The following BCL7A variants were observed in gnomAD, a reference collection of about 807,000 sequenced individuals.
BCL7A encodes the protein B-cell CLL/lymphoma 7 protein family member A.
In BCL7A, 11 loss-of-function variants were observed where a neutral mutation model predicts 28.4. The observed-to-expected ratio is 0.39, with a 90% CI of 0.24 to 0.64. The LOEUF is 0.64. Among genes scored for constraint, BCL7A ranks in the 30% least tolerant of loss-of-function variants. BCL7A has a pLI of 0.50. For synonymous variants in BCL7A, 123 were observed against 103.3 expected, an observed-to-expected ratio of 1.19 and a Z score of -1.15; for missense variants, 222 against 274.8, an observed-to-expected ratio of 0.81 and a Z score of 1.36.
intron 4 of BCL7A, among the ~76,000 whole-genome samples, chr12:122,054,549 C>T (rs1281947881): frequency 6.6e-6 from 1 of 152,176 alleles, no homozygotes; most frequent in Non-Finnish European, 1.5e-5. Context: ...CCAGTCGCCT[C>T]CCAGGGCCCT....
In BCL7A at chr12:122,060,347, G is replaced by A. The variant is rs1951910701; in HGVS notation, c.*1184G>A. On this transcript the variant is annotated 3_prime_UTR_variant, in exon 6 of 6. Coordinates refer to ENST00000261822, the MANE Select transcript of BCL7A (RefSeq NM_001024808.3). The stretch of plus-strand genomic sequence containing the variant: ...ATGCCGTCTGTCCCCACCGGGGAGT[G>A]GGCCTTGATGGCCGGGCCTCGAAGG... The A allele has an allele frequency of 4.3e-6, 1 of 232,960 alleles. No individual in the cohort carries two copies. 14.4% of individuals were successfully genotyped at this position (232,960 alleles called of 1,614,324 possible). A position where few individuals can be genotyped will look rare whatever the true frequency, so the allele number is the denominator to read the frequency against.
Position 122,021,951 on chromosome 12 carries a change from T to TGTGTGTGA in BCL7A, c.-133_-126dup. 1 of 588,908 alleles carries TGTGTGTGA rather than the reference T, an allele frequency of 1.7e-6. No homozygotes were observed. The highest frequency in any genetic ancestry group is 3.2e-5 in the East Asian group (1 of 31,722). The allele number at this position is 588,908 out of a possible 1,614,324, so 36.5% of individuals were successfully genotyped here. A position where few individuals can be genotyped will look rare whatever the true frequency, so the allele number is the denominator to read the frequency against. The stretch of plus-strand genomic sequence containing the variant: ...GTGTATGTGTGTGTGTGTGTGTGTG[T>TGTGTGTGA]GTGTGTGAGTGTGTGCGTGTGAGAG... On this transcript the variant is annotated 5_prime_UTR_variant, in exon 1 of 6. Coordinates refer to ENST00000261822, the MANE Select transcript of BCL7A (RefSeq NM_001024808.3).
chr12:122,042,807 C>T (rs927228216), intron 3 of BCL7A, among the ~76,000 whole-genome samples: 1 of 152,152 alleles, frequency 6.6e-6, no homozygotes, highest in Non-Finnish European at 1.5e-5. Flanking sequence ...TTTCTACATA[C>T]CCACTGTCCC....
chr12:122,024,159 A>C, intron 1 of BCL7A, among the ~76,000 whole-genome samples: 1 of 152,172 alleles, frequency 6.6e-6, no homozygotes, highest in African/African-American at 2.4e-5. Context: ...GAGGGGCTGT[A>C]CCTCTGCGCC....
chr12:122,043,343 G>T (rs1883997939), intron 3 of BCL7A, among the ~76,000 whole-genome samples: 1 of 149,342 alleles, frequency 6.7e-6, no homozygotes, highest in Middle Eastern at 3.4e-3. Context: ...TGTGGGGAAG[G>T]TCAGGCCAGT....
intron 5 of BCL7A, among the ~76,000 whole-genome samples, chr12:122,057,383 T>G (rs777172640): frequency 9.9e-5 from 15 of 152,142 alleles, no homozygotes; most frequent in Non-Finnish European, 2.2e-4. Flanking sequence ...TTGGTCCTGG[T>G]GAGGAACTGG....
rs1883472396 is a variant in BCL7A at position 122,022,069 on chromosome 12, G to C, written c.-23G>C. The C allele has an allele frequency of 6.5e-7, 1 of 1,536,996 alleles. No individual in the cohort carries two copies. The highest frequency in any genetic ancestry group is 1.4e-5 in the African/African-American group (1 of 71,368). On this transcript the variant is annotated 5_prime_UTR_variant, in exon 1 of 6. Coordinates refer to ENST00000261822, the MANE Select transcript of BCL7A (RefSeq NM_001024808.3). ...CAGGACCCGGCGGGCGCGCTCCCCAGCCTCCGTCTCCCCGCCGGAACCATG... is the reference window on the plus strand; with the variant it reads ...CAGGACCCGGCGGGCGCGCTCCCCACCCTCCGTCTCCCCGCCGGAACCATG...
At position 122,022,082 on chromosome 12, in the gene BCL7A, C is replaced by T. The variant is rs1351376697; in HGVS notation, c.-10C>T. The T allele has an allele frequency of 1.3e-6, 2 of 1,557,108 alleles. No individual in the cohort carries two copies. The highest frequency in any genetic ancestry group is 2.4e-5 in the East Asian group (1 of 41,670). On this transcript the variant is annotated 5_prime_UTR_variant, in exon 1 of 6. Transcript: ENST00000261822. ...GCGCGCTCCCCAGCCTCCGTCTCCC[C>T]GCCGGAACCATGTCGGGCAGGTCGG...
At chr12:122,046,083 A>G (rs915482958) in intron 4 of BCL7A, among the ~76,000 whole-genome samples, 34 of 150,458 alleles carry the variant, frequency 2.3e-4, no homozygotes, top group Admixed American at 7.3e-4. Flanking sequence ...AAAAAAAAAA[A>G]GGCATTCTCT....
intron 1 of BCL7A, among the ~76,000 whole-genome samples, chr12:122,030,071 A>G (rs537030976): frequency 6.6e-6 from 1 of 152,216 alleles, no homozygotes; most frequent in South Asian, 2.1e-4. Context: ...GGAGCCCTGA[A>G]TCAGGGGTGC....
rs139391625 is a variant in BCL7A, at chr12:122,046,965, G to A, written c.439+2912G>A. Among the ~76,000 whole-genome samples the A allele has an allele frequency of 7.1e-3, 1,071 of 150,322 alleles. 14 individuals carry two copies. The highest frequency in any genetic ancestry group is 0.025 in the African/African-American group (1,024 of 40,936). On this transcript the variant is annotated intron_variant, in intron 4 of 5. Transcript: ENST00000261822. The stretch of plus-strand genomic sequence containing the variant: ...GTCGCCCAGGCTGGAGTGCAATGAC[G>A]TGATCTCGGCTCACTGCAACCTCCG...
chr12:122,053,374 G>A (rs1326052199), intron 4 of BCL7A, among the ~76,000 whole-genome samples: 1 of 152,118 alleles, frequency 6.6e-6, no homozygotes, highest in Non-Finnish European at 1.5e-5. Flanking sequence ...CCGTTCCCCC[G>A]CCCTCTGTGT....
intron 3 of BCL7A, among the ~76,000 whole-genome samples, chr12:122,037,522 C>T (rs957832339): frequency 9.2e-5 from 14 of 152,124 alleles, no homozygotes; most frequent in East Asian, 3.8e-4. Context: ...GGTTTCTGAA[C>T]GGGCTTTAGA....
chr12:122,055,575 G>A (rs191997117), intron 5 of BCL7A, among the ~76,000 whole-genome samples: 3 of 152,298 alleles, frequency 2.0e-5, no homozygotes, highest in Middle Eastern at 6.8e-3. Flanking sequence ...ATGCAGAGGT[G>A]TCATTGGCCA....
intron 1 of BCL7A, among the ~76,000 whole-genome samples, chr12:122,023,187 G>C (rs545366341): frequency 2.1e-4 from 32 of 152,234 alleles, no homozygotes; most frequent in Non-Finnish European, 4.4e-4. Flanking sequence ...GGCGCAAGCA[G>C]ATCGCCAGGT....
chr12:122,025,239 T>C (rs1429293515), intron 1 of BCL7A, among the ~76,000 whole-genome samples: 4 of 151,814 alleles, frequency 2.6e-5, no homozygotes, highest in Non-Finnish European at 5.9e-5. Context: ...GGCTCACGCC[T>C]GTAATCCCAG....
chr12:122,061,212 G>C lies in BCL7A; in HGVS notation c.*2049G>C, dbSNP rs1593040899. ...TTGGGAAACGAGAGGCTACAACCAA[G>C]ACAGCTGAAGGAGAATGAAACACAC... On this transcript the variant is annotated 3_prime_UTR_variant, in exon 6 of 6. Transcript: ENST00000261822. The C allele has an allele frequency of 4.4e-6, 1 of 229,504 alleles. No individual in the cohort carries two copies. The highest frequency in any genetic ancestry group is 8.6e-6 in the Non-Finnish European group (1 of 115,810). The allele number at this position is 229,504 out of a possible 1,614,324, so 14.2% of individuals were successfully genotyped here.
At chr12:122,045,603 G>A (rs1884058852) in intron 4 of BCL7A, among the ~76,000 whole-genome samples, 1 of 152,024 alleles carries the variant, frequency 6.6e-6, no homozygotes, top group Admixed American at 6.6e-5. Context: ...ATTTGTGTGT[G>A]TTTATTTTGA....
intron 2 of BCL7A, among the ~76,000 whole-genome samples, chr12:122,031,324 G>A (rs895590626): frequency 4.6e-5 from 7 of 151,812 alleles, no homozygotes; most frequent in South Asian, 2.1e-4. Flanking sequence ...CAGTGCGCCC[G>A]GCCTGCAAGT....
Sources: gnomAD v4.1 joint callset for allele counts (sites outside exome capture counted in the v4.1 genomes callset) on GRCh38, gnomAD v4.1.1 for gene constraint, MANE v1.5 for transcripts, NCBI Gene and HGNC (gene_info 2026-07-23, HGNC 2026-07-21) for gene names.